AGMO: variants seen among roughly 807,000 people sequenced by gnomAD.
The protein encoded by AGMO is alkylglycerol monooxygenase, also known as glyceryl-ether monooxygenase.
Under a neutral mutation model 60.2 loss-of-function variants are expected in AGMO, and 75 were observed. That is an observed-to-expected ratio of 1.25 (90% CI 1.03 to 1.51). The LOEUF (loss-of-function observed/expected upper bound fraction) is 1.51. Among genes scored for constraint, AGMO ranks in the 40% most tolerant of loss-of-function variants. The pLI, the probability that AGMO is intolerant of heterozygous loss-of-function variation, is 0.00. For missense variants in AGMO, 763 were observed against 525.5 expected (o/e 1.45, Z -4.42); for synonymous variants, 261 against 177.1 (o/e 1.47, Z -3.76).
intron 3 of AGMO, among the ~76,000 whole-genome samples, chr7:15,490,698 G>A (rs1397234039): frequency 6.6e-6 from 1 of 152,108 alleles, no homozygotes; most frequent in East Asian, 1.9e-4. Context: ...AATTCAAAAT[G>A]CAGAGAGCAT....
intron 3 of AGMO, among the ~76,000 whole-genome samples, chr7:15,525,977 A>T (rs1439731399): frequency 6.6e-6 from 1 of 152,146 alleles, no homozygotes; most frequent in Non-Finnish European, 1.5e-5. Flanking sequence ...GTCCAGCCGC[A>T]AGCCCTGCAT....
At chr7:15,322,725 T>TATATACATAA (rs1554413754) in intron 12 of AGMO, among the ~76,000 whole-genome samples, 1 of 72,800 alleles carries the variant, frequency 1.4e-5, no homozygotes, top group African/African-American at 8.3e-5. Flanking sequence ...AATATATAAA[T>TATATACATAA]ATATATATAA....
At chr7:15,245,232 C>T (rs1162250883) in intron 12 of AGMO, among the ~76,000 whole-genome samples, 1 of 152,012 alleles carries the variant, frequency 6.6e-6, no homozygotes, top group African/African-American at 2.4e-5. Flanking sequence ...TCCTCTGCAC[C>T]AACTAATCTC....
intron 4 of AGMO, among the ~76,000 whole-genome samples, chr7:15,429,456 G>A (rs773153585): frequency 1.2e-4 from 18 of 151,144 alleles, no homozygotes; most frequent in African/African-American, 4.2e-4. Context: ...AACTAAGAGA[G>A]AGAACCAGAA....
At chr7:15,173,682 G>A in the AGMO span, among the ~76,000 whole-genome samples, 3 of 151,884 alleles carry the variant, frequency 2.0e-5, no homozygotes, top group Non-Finnish European at 4.4e-5. Context: ...TATTAATATG[G>A]TTAATAGAAA....
intron 12 of AGMO, among the ~76,000 whole-genome samples, chr7:15,247,414 TCACACACACACACACACACACA>T (rs71525649): frequency 3.2e-5 from 4 of 123,742 alleles, no homozygotes; most frequent in East Asian, 2.4e-4. Flanking sequence ...CTTGGAGATT[TCACACACACACACACACACACA>T]CACACACACA....
At chr7:15,527,854 G>C (rs1368477099) in intron 3 of AGMO, among the ~76,000 whole-genome samples, 1 of 152,008 alleles carries the variant, frequency 6.6e-6, no homozygotes, top group South Asian at 2.1e-4. Context: ...GAAAAACAAA[G>C]CCTGGATTAC....
intron 3 of AGMO, among the ~76,000 whole-genome samples, 175 bp from the exon 4 acceptor site, chr7:15,431,283 G>A (rs1395649475): frequency 1.3e-5 from 2 of 151,764 alleles, no homozygotes; most frequent in African/African-American, 4.8e-5. Context: ...TGGAACCAAA[G>A]ACTGTATACA....
At chr7:15,158,212 G>A in the AGMO span, among the ~76,000 whole-genome samples, 6 of 152,188 alleles carry the variant, frequency 3.9e-5, no homozygotes, top group African/African-American at 1.4e-4. Context: ...TGAAGAACTT[G>A]GCTCTGTTAC....
At position 15,329,206 on chromosome 7, in the gene AGMO, C is replaced by T. The variant is rs557384523; in HGVS notation, c.1263+36308G>A. 5.3e-5 allele frequency among the ~76,000 whole-genome samples: 8 copies of T among 152,278 alleles called. No homozygotes were observed. The South Asian group carries it at 8.3e-4, about 16-fold the overall frequency. On this transcript the variant is annotated intron_variant, in intron 12 of 12. Coordinates refer to ENST00000342526, the MANE Select transcript of AGMO (RefSeq NM_001004320.2). ...TAAACTCCTCAGGGGCTTCGATATT[C>T]GTCTGTATTGTATTTGATATACTTT...
chr7:15,355,461 C>T (rs1405133889), intron 12 of AGMO, among the ~76,000 whole-genome samples: 1 of 138,088 alleles, frequency 7.2e-6, no homozygotes, highest in Non-Finnish European at 1.5e-5. Flanking sequence ...CCAGATCATG[C>T]CACTGCACAC....
the AGMO span, among the ~76,000 whole-genome samples, chr7:15,124,272 T>C: frequency 1.3e-5 from 2 of 151,984 alleles, no homozygotes; most frequent in East Asian, 3.9e-4. Context: ...TACCTTGCCT[T>C]TCACCTGAGC....
chr7:15,386,047 G>A (rs145382945), intron 9 of AGMO, among the ~76,000 whole-genome samples: 5,914 of 152,116 alleles, frequency 0.039, 376 homozygotes, highest in African/African-American at 0.13. Context: ...TGGGCATGGT[G>A]GCACACACCT....
chr7:15,351,907 TTTA>T (rs1782256407), intron 12 of AGMO, among the ~76,000 whole-genome samples: 3 of 152,220 alleles, frequency 2.0e-5, no homozygotes, highest in African/African-American at 7.2e-5. Flanking sequence ...ATGTGGAATA[TTTA>T]TTGTTACACA....
intron 3 of AGMO, among the ~76,000 whole-genome samples, chr7:15,439,151 C>A (rs559366658): frequency 2.6e-5 from 4 of 152,180 alleles, no homozygotes; most frequent in Non-Finnish European, 5.9e-5. Flanking sequence ...GTCATCCCAG[C>A]ACTTTGGGAG....
intron 10 of AGMO, among the ~76,000 whole-genome samples, chr7:15,384,579 T>C (rs573264700): frequency 2.0e-5 from 3 of 152,300 alleles, no homozygotes; most frequent in East Asian, 1.9e-4. Flanking sequence ...AATATAACTA[T>C]TATTCAGAGT....
intron 5 of AGMO, among the ~76,000 whole-genome samples, chr7:15,410,380 C>T (rs1358502643): frequency 6.6e-6 from 1 of 151,514 alleles, no homozygotes; most frequent in East Asian, 1.9e-4. Context: ...GTTTACAGAT[C>T]AAAAAATAAA....
At chr7:15,267,954 T>A (rs1783483252) in intron 12 of AGMO, among the ~76,000 whole-genome samples, 1 of 152,006 alleles carries the variant, frequency 6.6e-6, no homozygotes, top group Non-Finnish European at 1.5e-5. Context: ...AATTTTACTC[T>A]AAATTAAATT....
chr7:15,218,785 G>A lies in AGMO; in HGVS notation c.1264-17426C>T, dbSNP rs1410475593. 2.0e-5 allele frequency among the ~76,000 whole-genome samples: 3 copies of A among 152,086 alleles called. No individual in the cohort carries two copies. The East Asian group carries it at 5.8e-4, about 29-fold the overall frequency. On this transcript the variant is annotated intron_variant, in intron 12 of 12. Coordinates refer to ENST00000342526, the MANE Select transcript of AGMO (RefSeq NM_001004320.2). ...GGCAAGAAGAAAGACTAACTCAGTT[G>A]AAGCATGGTGCACACAGTCCACAAT...
Sources: gnomAD v4.1 joint callset for allele counts (sites outside exome capture counted in the v4.1 genomes callset) on GRCh38, gnomAD v4.1.1 for gene constraint, MANE v1.5 for transcripts, NCBI Gene and HGNC (gene_info 2026-07-23, HGNC 2026-07-21) for gene names.